The following TMPRSS7 variants were observed in gnomAD, a reference collection of about 807,000 sequenced individuals.
TMPRSS7 encodes transmembrane serine protease 7.
In TMPRSS7, 81 loss-of-function variants were observed where a neutral mutation model predicts 95.6. That is an observed-to-expected ratio of 0.85 (90% CI 0.71 to 1.02). The LOEUF (loss-of-function observed/expected upper bound fraction) is 1.02, where lower values mean the gene tolerates loss of function less well. Among genes scored for constraint, TMPRSS7 ranks in the 50% least tolerant of loss-of-function variants. The pLI is 0.00. For missense variants in TMPRSS7, 945 were observed against 955.2 expected, an observed-to-expected ratio of 0.99 and a Z score of 0.14; for synonymous variants, 364 against 337.8, an observed-to-expected ratio of 1.08 and a Z score of -0.85.
intron 3 of TMPRSS7, among the ~76,000 whole-genome samples, chr3:112,042,251 T>A (rs145300282): frequency 6.6e-6 from 1 of 152,086 alleles, no homozygotes; most frequent in Non-Finnish European, 1.5e-5. Flanking sequence ...CCTGCCCCCA[T>A]GCTCCAATGT....
intron 3 of TMPRSS7, among the ~76,000 whole-genome samples, chr3:112,043,646 T>C (rs551431539): frequency 6.6e-6 from 1 of 152,148 alleles, no homozygotes; most frequent in Non-Finnish European, 1.5e-5. Context: ...CTAGAGAAAA[T>C]GACTGGGGAG....
chr3:112,052,549 T>G (rs2073377034), intron 9 of TMPRSS7, among the ~76,000 whole-genome samples: 1 of 152,046 alleles, frequency 6.6e-6, no homozygotes, highest in South Asian at 2.1e-4. Flanking sequence ...CACTGCCAGG[T>G]TCTCAAGGCT....
intron 17 of TMPRSS7, among the ~76,000 whole-genome samples, chr3:112,079,461 A>G (rs141941955): frequency 1.1e-3 from 173 of 152,356 alleles, no homozygotes; most frequent in African/African-American, 4.0e-3. Flanking sequence ...GGCCACATGC[A>G]GCCCAGGACA....
intron 14 of TMPRSS7, among the ~76,000 whole-genome samples, chr3:112,074,879 C>T (rs1361604533): frequency 1.3e-5 from 2 of 152,238 alleles, no homozygotes; most frequent in Non-Finnish European, 2.9e-5. Flanking sequence ...TTTACCAATA[C>T]TATTTACACT....
intron 7 of TMPRSS7, among the ~76,000 whole-genome samples, chr3:112,048,610 C>T (rs966142570): frequency 2.0e-5 from 3 of 152,060 alleles, no homozygotes; most frequent in Non-Finnish European, 4.4e-5. Context: ...ACTCACTGTG[C>T]TAAAAAGGTA....
At chr3:112,048,299 A>G (rs1004888709) in intron 7 of TMPRSS7, among the ~76,000 whole-genome samples, 1 of 152,232 alleles carries the variant, frequency 6.6e-6, no homozygotes, top group African/African-American at 2.4e-5. Context: ...ACAGTGTGAG[A>G]ATAAATATCC....
intron 7 of TMPRSS7, among the ~76,000 whole-genome samples, chr3:112,048,663 G>A (rs1319078498): frequency 1.3e-5 from 2 of 152,162 alleles, no homozygotes; most frequent in African/African-American, 2.4e-5. Flanking sequence ...ATGGATGTAT[G>A]CAACAATGCT....
At chr3:112,079,537 A>AT (rs879560504) in intron 17 of TMPRSS7, among the ~76,000 whole-genome samples, 26 of 151,938 alleles carry the variant, frequency 1.7e-4, no homozygotes, top group Non-Finnish European at 3.4e-4. Context: ...TTTTTTTGCA[A>AT]TTTTTTTTAG....
Position 112,071,238 on chromosome 3 carries a change from G to T in TMPRSS7, c.1667-3058G>T, listed in dbSNP as rs192668155. Among the ~76,000 whole-genome samples the T allele has an allele frequency of 8.1e-3, 1,238 of 152,288 alleles. 18 individuals carry two copies. The highest frequency in any genetic ancestry group is 0.028 in the African/African-American group (1,177 of 41,552). ...TTGGCTGGATATGAAATTCTGGGTTGAAAATTCTTTTCTTTAAGAATGTTG... is the reference window on the plus strand; with the variant it reads ...TTGGCTGGATATGAAATTCTGGGTTTAAAATTCTTTTCTTTAAGAATGTTG... On this transcript the variant is annotated intron_variant, in intron 13 of 17. Coordinates refer to ENST00000452346, the Ensembl canonical transcript of TMPRSS7.
At chr3:112,044,522 G>A (rs79231988) in intron 4 of TMPRSS7, among the ~76,000 whole-genome samples, 200 bp downstream of exon 4, 6,793 of 152,108 alleles carry the variant, frequency 0.045, 179 homozygotes, top group Non-Finnish European at 0.066. Flanking sequence ...ACCAAATCCC[G>A]ACCTTCTCCC....
intron 5 of TMPRSS7, among the ~76,000 whole-genome samples, 199 bp from the exon 6 acceptor site, chr3:112,046,775 T>C (rs1005221034): frequency 2.0e-5 from 3 of 152,190 alleles, no homozygotes; most frequent in African/African-American, 7.2e-5. Flanking sequence ...CCTCGACAAC[T>C]ACCAACTCAC....
Position 112,073,513 on chromosome 3 carries a change from G to A in TMPRSS7, c.1667-783G>A, listed in dbSNP as rs866112212. On this transcript the variant is annotated intron_variant, in intron 13 of 17. Transcript: ENST00000452346. ...AGTGATGATGAGCATTTTTTCATGT[G>A]TCTGTTGGCTGCATAAATGTCTTCT... is the stretch of plus-strand genomic sequence containing the variant. Among the ~76,000 whole-genome samples the A allele has an allele frequency of 4.9e-4, 74 of 152,216 alleles. 1 individual carries two copies. The highest frequency in any genetic ancestry group is 6.8e-3 in the Middle Eastern group (2 of 294).
chr3:112,046,818 G>T, intron 5 of TMPRSS7, 156 bp from the exon 6 acceptor site: 1 of 612,588 alleles, frequency 1.6e-6, no homozygotes, highest in South Asian at 2.0e-5. Context: ...CTAAATACCT[G>T]AACAACTACC....
chr3:112,046,983 G>A lies in TMPRSS7; in HGVS notation c.701G>A (p.Arg234Gln), dbSNP rs1000824254. Residue 234 changes from arginine (R) to glutamine (Q), a missense_variant, in exon 6 of 18, where the codon CGG (arginine) becomes CAG (glutamine). Transcript: ENST00000452346. ...TGCTTTTTCAATGCAGCTGGGCTTC[G>A]GTCGGATTACTCGTCAACCATAGGA... 27 of 702,408 alleles carry A rather than the reference G, an allele frequency of 3.8e-5. No individual in the cohort carries two copies. The East Asian group carries it at 4.0e-4, about 10-fold the overall frequency. The allele number at this position is 702,408 out of a possible 1,614,324, so 43.5% of individuals were successfully genotyped here.
At chr3:112,061,279 G>A (rs55913382) in intron 10 of TMPRSS7, among the ~76,000 whole-genome samples, 5,396 of 152,220 alleles carry the variant, frequency 0.035, 312 homozygotes, top group African/African-American at 0.12. Context: ...TATTGGAGAC[G>A]GACATTAATT....
chr3:112,043,145 A>G, intron 3 of TMPRSS7: 1 of 455,634 alleles, frequency 2.2e-6, no homozygotes. Context: ...TACAAACATC[A>G]TAGAGTGTGT....
chr3:112,034,991 A>G (rs535099666), intron 1 of TMPRSS7, 98 bp downstream of exon 1: 1 of 658,542 alleles, frequency 1.5e-6, no homozygotes, highest in Non-Finnish European at 2.7e-6. Flanking sequence ...CATAAAGGAA[A>G]CAATAATAAA....
Position 112,042,250 on chromosome 3 carries a change from A to G in TMPRSS7, c.429+200A>G, listed in dbSNP as rs187451327. On this transcript the variant is annotated intron_variant, in intron 3 of 17. Transcript: ENST00000452346. Reference sequence around the variant, plus strand: ...AGATAGAATTTCTCCCCCTGCCCCCATGCTCCAATGTAAAAAAAAGAATGG... The same window carrying G: ...AGATAGAATTTCTCCCCCTGCCCCCGTGCTCCAATGTAAAAAAAAGAATGG... Among the ~76,000 whole-genome samples, 200 of 152,238 alleles carry G rather than the reference A, an allele frequency of 1.3e-3. 3 individuals carry two copies. The highest frequency in any genetic ancestry group is 1.8e-3 in the Non-Finnish European group (119 of 68,000).
chr3:112,066,547 C>T, intron 13 of TMPRSS7, 45 bp downstream of exon 13: 2 of 1,569,334 alleles, frequency 1.3e-6, no homozygotes, highest in Non-Finnish European at 1.8e-6. Flanking sequence ...CTATGAAACT[C>T]TTCTAAATCA....
Sources: allele counts gnomAD v4.1 joint callset (sites outside exome capture counted in the v4.1 genomes callset), GRCh38; gene constraint gnomAD v4.1.1; transcripts MANE v1.5; gene names NCBI Gene and HGNC (gene_info 2026-07-23, HGNC 2026-07-21).